ESRRG: variants seen among roughly 807,000 people sequenced by gnomAD.
The protein encoded by ESRRG is estrogen-related receptor gamma.
ESRRG carries 13 observed loss-of-function variants against 44.0 expected under a neutral mutation model. The observed-to-expected ratio is 0.30, with a 90% confidence interval of 0.19 to 0.47. The LOEUF (loss-of-function observed/expected upper bound fraction) is 0.47. Ranked by LOEUF, ESRRG falls within the 20% of genes least tolerant of loss-of-function variation. The probability of loss-of-function intolerance (pLI) is 1.00; values close to 1 mark genes in which losing one functional copy is unlikely to be tolerated. For synonymous variants in ESRRG, 215 were observed against 214.6 expected (o/e 1.00, Z -0.02); for missense variants, 395 against 580.6 (o/e 0.68, Z 3.29).
rs553724401 is a variant in ESRRG at position 216,783,055 on chromosome 1, A to T, written c.-13-105564T>A. On this transcript the variant is annotated intron_variant, in intron 2 of 7. Transcript: ENST00000359162. ...GAAGAAATGAAATAACTACAACCTT[A>T]CATTCCCACTCAGAAGAGTTAGGGG... is the stretch of plus-strand genomic sequence containing the variant. Among the ~76,000 whole-genome samples the T allele has an allele frequency of 5.9e-5, 9 of 152,036 alleles. No individual in the cohort carries two copies. The South Asian group carries it at 1.9e-3, about 32-fold the overall frequency.
chr1:216,698,691 G>C (rs529569944), intron 1 of ESRRG, among the ~76,000 whole-genome samples: 2 of 152,080 alleles, frequency 1.3e-5, no homozygotes, highest in South Asian at 2.1e-4. Flanking sequence ...CAATATGATG[G>C]TTTCGATAGT....
At chr1:216,844,750 A>C (rs138087970) in intron 2 of ESRRG, among the ~76,000 whole-genome samples, 141 of 144,354 alleles carry the variant, frequency 9.8e-4, no homozygotes, top group African/African-American at 3.5e-3. Context: ...ATGTTTCTTC[A>C]TAGCATTCGT....
At chr1:216,938,162 A>C (rs550528643) in intron 2 of ESRRG, among the ~76,000 whole-genome samples, 1 of 152,276 alleles carries the variant, frequency 6.6e-6, no homozygotes, top group East Asian at 1.9e-4. Context: ...AAATGCTCTG[A>C]GAGAGTTGGT....
chr1:216,930,779 G>T (rs2063229264), intron 2 of ESRRG, among the ~76,000 whole-genome samples: 2 of 152,172 alleles, frequency 1.3e-5, no homozygotes, highest in South Asian at 4.1e-4. Flanking sequence ...TGACATTTAA[G>T]CTGAGCCTTG....
intron 2 of ESRRG, among the ~76,000 whole-genome samples, chr1:216,774,780 G>A (rs1417920721): frequency 1.8e-5 from 2 of 110,774 alleles, no homozygotes; most frequent in Non-Finnish European, 3.7e-5. Context: ...AAGACAGTAA[G>A]ACAGTGAATA....
At chr1:216,976,485 AT>A (rs1240151152) in intron 1 of ESRRG, among the ~76,000 whole-genome samples, 3 of 152,152 alleles carry the variant, frequency 2.0e-5, no homozygotes, top group African/African-American at 7.2e-5. Flanking sequence ...TGGCTGTTTT[AT>A]TAAGTTTACC....
At chr1:216,932,297 C>T (rs1294745774) in intron 2 of ESRRG, among the ~76,000 whole-genome samples, 1 of 151,280 alleles carries the variant, frequency 6.6e-6, no homozygotes, top group Non-Finnish European at 1.5e-5. Context: ...CAAGAAGTTT[C>T]AACAAAGAAG....
intron 2 of ESRRG, among the ~76,000 whole-genome samples, chr1:216,803,621 G>C (rs1221255387): frequency 6.6e-6 from 1 of 152,008 alleles, no homozygotes; most frequent in African/African-American, 2.4e-5. Flanking sequence ...TTTTGGTTGG[G>C]GGTTTTGGTG....
At chr1:216,875,115 T>C (rs1464995916) in intron 2 of ESRRG, among the ~76,000 whole-genome samples, 1 of 152,232 alleles carries the variant, frequency 6.6e-6, no homozygotes. Context: ...GAGTCAATTC[T>C]CCTTAATAAG....
At chr1:216,947,549 C>A (rs2066244117) in intron 1 of ESRRG, among the ~76,000 whole-genome samples, 1 of 152,130 alleles carries the variant, frequency 6.6e-6, no homozygotes. Context: ...TTATTTCTAG[C>A]TTTCTAGGGC....
intron 2 of ESRRG, chr1:216,936,756 T>C (rs1379240934): frequency 6.6e-6 from 1 of 151,730 alleles, no homozygotes; most frequent in Non-Finnish European, 1.5e-5. Context: ...AGACAGCTAA[T>C]GGCCTTCATA....
chr1:216,864,351 C>T (rs908890032), intron 2 of ESRRG: 1 of 128,662 alleles, frequency 7.8e-6, no homozygotes, highest in Admixed American at 7.8e-5. Context: ...AAAAAAAAAA[C>T]AGCCAAAGCC....
At chr1:216,947,457 A>G (rs1018365477) in intron 1 of ESRRG, among the ~76,000 whole-genome samples, 1 of 152,212 alleles carries the variant, frequency 6.6e-6, no homozygotes, top group Non-Finnish European at 1.5e-5. Context: ...GTCAAAATGC[A>G]TGCTTACTTC....
chr1:216,985,301 A>G (rs183278185), intron 1 of ESRRG, among the ~76,000 whole-genome samples: 35 of 152,336 alleles, frequency 2.3e-4, no homozygotes, highest in Middle Eastern at 3.4e-3. Flanking sequence ...TAGCCAGAAG[A>G]TGTGCCTTTC....
intron 1 of ESRRG, among the ~76,000 whole-genome samples, chr1:216,693,634 C>T (rs2813705): frequency 0.76 from 115,791 of 152,116 alleles, 44,391 homozygotes; most frequent in Non-Finnish European, 0.8. Context: ...GTAAATGCTA[C>T]GTAAATAGTT....
At chr1:216,846,835 T>A (rs1277209039) in intron 2 of ESRRG, among the ~76,000 whole-genome samples, 1 of 152,064 alleles carries the variant, frequency 6.6e-6, no homozygotes, top group Non-Finnish European at 1.5e-5. Flanking sequence ...ATCTTCGGTT[T>A]TATTTGACAT....
chr1:217,137,082 G>C (rs970876499), intron 1 of ESRRG, among the ~76,000 whole-genome samples: 5 of 152,150 alleles, frequency 3.3e-5, no homozygotes, highest in Non-Finnish European at 7.3e-5. Context: ...GAGGGAGCCG[G>C]AGGACAGTGG....
At chr1:216,757,088 C>T (rs1279223856) in intron 2 of ESRRG, among the ~76,000 whole-genome samples, 1 of 152,030 alleles carries the variant, frequency 6.6e-6, no homozygotes, top group African/African-American at 2.4e-5. Context: ...CAACTTTATG[C>T]AATGCTTTGC....
chr1:217,001,814 C>T (rs1199862279), intron 1 of ESRRG, among the ~76,000 whole-genome samples: 3 of 152,182 alleles, frequency 2.0e-5, no homozygotes, highest in South Asian at 4.2e-4. Flanking sequence ...GAGAACCATA[C>T]CAGCATTTTG....
Sources: gnomAD v4.1 joint callset for allele counts (sites outside exome capture counted in the v4.1 genomes callset) on GRCh38, gnomAD v4.1.1 for gene constraint, MANE v1.5 for transcripts, NCBI Gene and HGNC (gene_info 2026-07-23, HGNC 2026-07-21) for gene names.